Variants in SCMH1 observed in about 807,000 individuals in gnomAD.
The protein encoded by SCMH1 is Scm polycomb group protein homolog 1.
In SCMH1, 37 loss-of-function variants were observed where a neutral mutation model predicts 70.8. That is an observed-to-expected ratio of 0.52 (90% CI 0.40 to 0.69). The LOEUF (loss-of-function observed/expected upper bound fraction) is 0.69, where lower values mean the gene tolerates loss of function less well. SCMH1 is among the 30% of genes least tolerant of loss of function. The pLI, the probability that SCMH1 is intolerant of heterozygous loss-of-function variation, is 0.00. For synonymous variants in SCMH1, 292 were observed against 307.4 expected (o/e 0.95, Z 0.52); for missense variants, 607 against 827.3 (o/e 0.73, Z 3.27).
At chr1:41,172,184 C>CA (rs377457192) in intron 2 of SCMH1, among the ~76,000 whole-genome samples, 13,120 of 85,348 alleles carry the variant, frequency 0.15, 949 homozygotes, top group Admixed American at 0.27. Flanking sequence ...GACTCCATCT[C>CA]AAAAAAAAAA....
At position 41,099,107 on chromosome 1, in the gene SCMH1, G is replaced by A. The variant is rs6690645; in HGVS notation, c.745+14176C>T. On this transcript the variant is annotated intron_variant, in intron 8 of 14. Coordinates refer to ENST00000337495, the Ensembl canonical transcript of SCMH1. ...GGCTCCTGATTATGATGCTCTGGAT[G>A]TTGCCAACAAAACTGGGATTATCTA... 2,133 of 238,152 alleles carry A rather than the reference G, an allele frequency of 9.0e-3. 47 individuals are homozygous for A. The highest frequency in any genetic ancestry group is 0.046 in the African/African-American group (2,012 of 43,786). 14.8% of individuals were successfully genotyped at this position (238,152 alleles called of 1,614,324 possible). A position where few individuals can be genotyped will look rare whatever the true frequency, so the allele number is the denominator to read the frequency against.
intron 12 of SCMH1, among the ~76,000 whole-genome samples, chr1:41,041,058 T>C (rs781174471): frequency 6.6e-6 from 1 of 152,062 alleles, no homozygotes; most frequent in Non-Finnish European, 1.5e-5. Flanking sequence ...TCTAGAGTAC[T>C]TTCCACTTCC....
chr1:41,165,807 C>A (rs144094381), intron 2 of SCMH1, among the ~76,000 whole-genome samples: 71 of 152,172 alleles, frequency 4.7e-4, no homozygotes, highest in African/African-American at 1.7e-3. Context: ...GTATCATTTG[C>A]AAATATTTTC....
At chr1:41,075,516 A>T in intron 8 of SCMH1, 65 bp from the exon 9 acceptor site, 1 of 1,391,092 alleles carries the variant, frequency 7.2e-7, no homozygotes, top group Non-Finnish European at 1.0e-6. Flanking sequence ...AGCCAGAAGA[A>T]AAAAAGGACT....
Position 41,077,302 on chromosome 1 carries a change from T to C in SCMH1, c.746-1851A>G, listed in dbSNP as rs186726990. ...CTTGGCATGTGGTGAGGGGCTCTACTGGAGGAAAGAGAAATGAGAGCTGCT... is the reference window on the plus strand; with the variant it reads ...CTTGGCATGTGGTGAGGGGCTCTACCGGAGGAAAGAGAAATGAGAGCTGCT... On this transcript the variant is annotated intron_variant, in intron 8 of 14. Coordinates refer to ENST00000337495, the Ensembl canonical transcript of SCMH1. Among the ~76,000 whole-genome samples, 320 of 152,220 alleles carry C rather than the reference T, an allele frequency of 2.1e-3. 1 individual carries two copies. The highest frequency in any genetic ancestry group is 2.1e-3 in the Non-Finnish European group (144 of 68,008).
At chr1:41,128,178 CTCT>C (rs896028854) in intron 6 of SCMH1, among the ~76,000 whole-genome samples, 2 of 152,138 alleles carry the variant, frequency 1.3e-5, no homozygotes, top group African/African-American at 4.8e-5. Flanking sequence ...CTGCACATTG[CTCT>C]TCTTTTTTAG....
intron 4 of SCMH1, among the ~76,000 whole-genome samples, chr1:41,158,247 T>C (rs1299630220): frequency 2.0e-5 from 3 of 152,230 alleles, no homozygotes; most frequent in South Asian, 4.1e-4. Context: ...GCTGGACATA[T>C]AACTGTAATC....
intron 6 of SCMH1, among the ~76,000 whole-genome samples, chr1:41,131,948 T>C (rs559916024): frequency 1.1e-4 from 16 of 152,364 alleles, no homozygotes; most frequent in South Asian, 2.1e-4. Context: ...CAGTCTATTA[T>C]TGATGGATAT....
intron 12 of SCMH1, among the ~76,000 whole-genome samples, chr1:41,044,408 A>G (rs1173397725): frequency 2.0e-5 from 3 of 152,162 alleles, no homozygotes; most frequent in Non-Finnish European, 4.4e-5. Flanking sequence ...TGATAATATC[A>G]GAGGTGGGGC....
chr1:41,216,820 G>A (rs1243623920), intron 1 of SCMH1, among the ~76,000 whole-genome samples: 1 of 152,152 alleles, frequency 6.6e-6, no homozygotes, highest in Non-Finnish European at 1.5e-5. Context: ...CAGGGCTGCT[G>A]TAACAAAGTA....
At chr1:41,141,930 T>C (rs1386508641) in intron 6 of SCMH1, among the ~76,000 whole-genome samples, 1 of 152,182 alleles carries the variant, frequency 6.6e-6, no homozygotes, top group Non-Finnish European at 1.5e-5. Flanking sequence ...ATGGTTATGT[T>C]TAAGACATCC....
At chr1:41,126,610 T>C (rs1304084916) in intron 6 of SCMH1, among the ~76,000 whole-genome samples, 1 of 152,182 alleles carries the variant, frequency 6.6e-6, no homozygotes, top group Non-Finnish European at 1.5e-5. Context: ...TGCATATGTG[T>C]ATACATACAT....
At chr1:41,053,739 G>A (rs1323108131) in intron 10 of SCMH1, among the ~76,000 whole-genome samples, 1 of 152,218 alleles carries the variant, frequency 6.6e-6, no homozygotes, top group Non-Finnish European at 1.5e-5. Flanking sequence ...ATTGGCTCTG[G>A]ACCTGGGGAG....
intron 12 of SCMH1, among the ~76,000 whole-genome samples, chr1:41,041,998 C>T (rs569247196): frequency 1.3e-5 from 2 of 152,176 alleles, no homozygotes; most frequent in East Asian, 1.9e-4. Flanking sequence ...TGCACCCGGC[C>T]GGGCCTCTTT....
At chr1:41,132,580 T>C (rs1378963822) in intron 6 of SCMH1, among the ~76,000 whole-genome samples, 1 of 152,226 alleles carries the variant, frequency 6.6e-6, no homozygotes, top group East Asian at 1.9e-4. Context: ...TTGGCTTTTG[T>C]TGCCATTGCT....
intron 6 of SCMH1, among the ~76,000 whole-genome samples, chr1:41,117,349 G>A (rs1380841750): frequency 6.6e-6 from 1 of 152,208 alleles, no homozygotes; most frequent in Non-Finnish European, 1.5e-5. Flanking sequence ...CGAGCCTTCT[G>A]TTATGCCCGG....
intron 8 of SCMH1, among the ~76,000 whole-genome samples, chr1:41,091,148 C>G (rs1663363960): frequency 6.6e-6 from 1 of 152,004 alleles, no homozygotes; most frequent in East Asian, 1.9e-4. Flanking sequence ...AAAATACTGG[C>G]AAACCGAATC....
At chr1:41,233,588 A>G (rs1661731192) in intron 1 of SCMH1, among the ~76,000 whole-genome samples, 1 of 152,220 alleles carries the variant, frequency 6.6e-6, no homozygotes, top group African/African-American at 2.4e-5. Flanking sequence ...GGCCCACAGA[A>G]CTGATAGACT....
chr1:41,124,946 T>G (rs374489157), intron 6 of SCMH1, among the ~76,000 whole-genome samples: 3 of 152,270 alleles, frequency 2.0e-5, no homozygotes, highest in East Asian at 3.9e-4. Context: ...ATGTGGAGTA[T>G]TTCTCATTGC....
Sources: gnomAD v4.1 joint callset for allele counts (sites outside exome capture counted in the v4.1 genomes callset) on GRCh38, gnomAD v4.1.1 for gene constraint, MANE v1.5 for transcripts, NCBI Gene and HGNC (gene_info 2026-07-23, HGNC 2026-07-21) for gene names.